RAPGEF2: variants seen among roughly 807,000 people sequenced by gnomAD.
RAPGEF2 encodes the protein Rap guanine nucleotide exchange factor 2.
In RAPGEF2, 54 loss-of-function variants were observed where a neutral mutation model predicts 186.7. That is an observed-to-expected ratio of 0.29 (90% confidence interval 0.23 to 0.36). The LOEUF (loss-of-function observed/expected upper bound fraction) is 0.36, where lower values mean the gene tolerates loss of function less well. Among genes scored for constraint, RAPGEF2 ranks in the 10% least tolerant of loss-of-function variants. The probability of loss-of-function intolerance (pLI) is 1.00; values close to 1 mark genes in which losing one functional copy is unlikely to be tolerated. For synonymous variants in RAPGEF2, 712 were observed against 705.9 expected (o/e 1.01, Z -0.14); for missense variants, 1,532 against 2,045.0 (o/e 0.75, Z 4.84).
chr4:159,213,658 T>G (rs1750735798), intron 4 of RAPGEF2, among the ~76,000 whole-genome samples: 1 of 152,196 alleles, frequency 6.6e-6, no homozygotes, highest in Non-Finnish European at 1.5e-5. Flanking sequence ...GCATTTTATG[T>G]TTTTCTAATT....
At chr4:159,160,699 G>T (rs1400792816) in intron 1 of RAPGEF2, among the ~76,000 whole-genome samples, 4 of 152,102 alleles carry the variant, frequency 2.6e-5, no homozygotes, top group African/African-American at 9.7e-5. Context: ...CTGTTACTTT[G>T]TGCCTTAAAA....
chr4:159,312,103 G>A (rs868317546), intron 8 of RAPGEF2, among the ~76,000 whole-genome samples: 36 of 151,992 alleles, frequency 2.4e-4, no homozygotes, highest in African/African-American at 5.8e-4. Flanking sequence ...TAATTTAAAC[G>A]ATAATTATTT....
chr4:159,272,960 A>G (rs564515450), intron 7 of RAPGEF2, among the ~76,000 whole-genome samples: 1 of 152,384 alleles, frequency 6.6e-6, no homozygotes, highest in East Asian at 1.9e-4. Context: ...GTGTTATATT[A>G]CCATGACAGT....
rs1744082645 is a variant in RAPGEF2, at chr4:159,156,038, C to T, written c.70-30604C>T. ...TACTGTAAAACTTAGGCTTAAAACA[C>T]TGTGTACTTGTTATGTCTCAATTTC... On this transcript the variant is annotated intron_variant, in intron 1 of 29. Coordinates refer to ENST00000691494, the MANE Select transcript of RAPGEF2 (RefSeq NM_001394067.2). Among the ~76,000 whole-genome samples, 7 of 152,152 alleles carry T rather than the reference C, an allele frequency of 4.6e-5. No homozygotes were observed. In the South Asian group the frequency reaches 1.2e-3, roughly 27 times the overall value.
chr4:159,210,018 A>G (rs1370352877), intron 3 of RAPGEF2, among the ~76,000 whole-genome samples: 1 of 152,184 alleles, frequency 6.6e-6, no homozygotes, highest in African/African-American at 2.4e-5. Flanking sequence ...TTTCTGTAAC[A>G]AAGAAGAAAG....
At chr4:159,350,114 AG>A (rs749861699) in intron 25 of RAPGEF2, 22 bp from the exon 26 acceptor site, 31 of 1,413,824 alleles carry the variant, frequency 2.2e-5, no homozygotes, top group Non-Finnish European at 2.8e-5. Flanking sequence ...TACATATTTA[AG>A]GTTTTTTTTT....
At chr4:159,224,409 C>T (rs1242407028) in intron 4 of RAPGEF2, among the ~76,000 whole-genome samples, 11 of 152,066 alleles carry the variant, frequency 7.2e-5, no homozygotes, top group Admixed American at 6.5e-4. Flanking sequence ...GCTTGTGGGA[C>T]AGTATATAGA....
At chr4:159,248,630 C>T (rs1266122171) in intron 7 of RAPGEF2, among the ~76,000 whole-genome samples, 1 of 152,150 alleles carries the variant, frequency 6.6e-6, no homozygotes, top group African/African-American at 2.4e-5. Flanking sequence ...GTCTCAACCT[C>T]CTTGCTTTAG....
chr4:159,299,687 A>G (rs928932075), intron 7 of RAPGEF2, among the ~76,000 whole-genome samples: 2 of 152,080 alleles, frequency 1.3e-5, no homozygotes, highest in African/African-American at 4.8e-5. Flanking sequence ...TATTGGTATC[A>G]GAGACTTCAA....
intron 7 of RAPGEF2, among the ~76,000 whole-genome samples, chr4:159,275,745 T>C (rs2110852509): frequency 6.6e-6 from 1 of 152,212 alleles, no homozygotes; most frequent in South Asian, 2.1e-4. Flanking sequence ...GGCAAAAATT[T>C]ACTAAAAGTG....
At chr4:159,223,747 A>G (rs907078676) in intron 4 of RAPGEF2, among the ~76,000 whole-genome samples, 1 of 152,200 alleles carries the variant, frequency 6.6e-6, no homozygotes, top group African/African-American at 2.4e-5. Context: ...GTCCAAGATA[A>G]TAATTTAGTT....
intron 17 of RAPGEF2, among the ~76,000 whole-genome samples, chr4:159,337,656 A>G (rs1458348283): frequency 2.0e-5 from 3 of 151,700 alleles, no homozygotes; most frequent in Non-Finnish European, 4.4e-5. Context: ...TTGGGAGGCC[A>G]AGACAGGCGG....
intron 4 of RAPGEF2, among the ~76,000 whole-genome samples, chr4:159,227,548 A>G (rs1038408549): frequency 6.6e-6 from 1 of 152,238 alleles, no homozygotes; most frequent in African/African-American, 2.4e-5. Flanking sequence ...TGTACAAAGC[A>G]CTGTGATCAG....
intron 7 of RAPGEF2, among the ~76,000 whole-genome samples, chr4:159,287,874 A>G (rs898618797): frequency 3.9e-5 from 6 of 152,158 alleles, no homozygotes; most frequent in Admixed American, 2.0e-4. Flanking sequence ...TGAAATGTGA[A>G]GATTATACTA....
intron 1 of RAPGEF2, among the ~76,000 whole-genome samples, chr4:159,123,132 G>C (rs546851979): frequency 6.6e-6 from 1 of 152,256 alleles, no homozygotes; most frequent in South Asian, 2.1e-4. Context: ...TAAGGCTTCT[G>C]GTCAACAGTA....
chr4:159,202,628 T>G (rs1749559012), intron 3 of RAPGEF2, among the ~76,000 whole-genome samples: 1 of 151,968 alleles, frequency 6.6e-6, no homozygotes, highest in Non-Finnish European at 1.5e-5. Context: ...TTTGGCGGAG[T>G]TTTGCTCTTG....
chr4:159,122,398 GAACTCAGGAGGC>G (rs754596839), intron 1 of RAPGEF2, among the ~76,000 whole-genome samples: 10 of 150,878 alleles, frequency 6.6e-5, no homozygotes, highest in Non-Finnish European at 1.2e-4. Flanking sequence ...AGAACTGCTT[GAACTCAGGAGGC>G]AGAGATTGCA....
At chr4:159,237,998 A>T (rs1753493875) in intron 4 of RAPGEF2, among the ~76,000 whole-genome samples, 2 of 151,844 alleles carry the variant, frequency 1.3e-5, no homozygotes, top group Admixed American at 6.6e-5. Flanking sequence ...GGCTTGGGTG[A>T]CAGAGTGAGA....
At chr4:159,159,147 C>T (rs922551142) in intron 1 of RAPGEF2, among the ~76,000 whole-genome samples, 1 of 152,164 alleles carries the variant, frequency 6.6e-6, no homozygotes, top group Non-Finnish European at 1.5e-5. Flanking sequence ...CAGTTGTTTT[C>T]CTCTGCCACC....
Sources: allele counts gnomAD v4.1 joint callset (sites outside exome capture counted in the v4.1 genomes callset), GRCh38; gene constraint gnomAD v4.1.1; transcripts MANE v1.5; gene names NCBI Gene and HGNC (gene_info 2026-07-23, HGNC 2026-07-21).